The following ANK2 variants were observed in gnomAD, a reference collection of about 807,000 sequenced individuals.
ANK2 encodes the protein ankyrin-2.
ANK2 carries 83 observed loss-of-function variants against 360.5 expected under a neutral mutation model. The ratio of observed to expected loss-of-function variants is 0.23; its 90% CI spans 0.19 to 0.28. The LOEUF (loss-of-function observed/expected upper bound fraction) is 0.28. ANK2 is among the 10% of genes least tolerant of loss of function. ANK2 has a pLI of 1.00. For missense variants in ANK2, 4,201 were observed against 4,795.7 expected, an observed-to-expected ratio of 0.88 and a Z score of 3.66; for synonymous variants, 1,740 against 1,759.5, an observed-to-expected ratio of 0.99 and a Z score of 0.28.
At chr4:113,278,604 G>C (rs1214818676) in intron 17 of ANK2, 46 bp downstream of exon 17, 1 of 1,559,112 alleles carries the variant, frequency 6.4e-7, no homozygotes, top group Non-Finnish European at 8.8e-7. Context: ...TGTAACTATC[G>C]CCTGAAAACA....
intron 2 of ANK2, among the ~76,000 whole-genome samples, chr4:113,038,509 C>T (rs558429802): frequency 1.4e-4 from 21 of 152,004 alleles, no homozygotes; most frequent in African/African-American, 5.1e-4. Context: ...TCTCTCTGGC[C>T]TACTTTACTT....
intron 9 of ANK2, among the ~76,000 whole-genome samples, chr4:113,242,912 G>A (rs973037743): frequency 6.6e-6 from 1 of 152,068 alleles, no homozygotes; most frequent in Non-Finnish European, 1.5e-5. Flanking sequence ...TATTATATTG[G>A]CAGTTTACTT....
chr4:112,875,136 C>T (rs541894154), intron 1 of ANK2, among the ~76,000 whole-genome samples: 25 of 151,978 alleles, frequency 1.6e-4, no homozygotes, highest in African/African-American at 6.0e-4. Context: ...ATTGTTGTGC[C>T]TCAGCCTCCT....
At chr4:112,819,103 T>C (rs768074515) in intron 1 of ANK2, among the ~76,000 whole-genome samples, 1 of 152,238 alleles carries the variant, frequency 6.6e-6, no homozygotes, top group Admixed American at 6.5e-5. Context: ...GTGGCCTTTT[T>C]GGAGAGCAAA....
At chr4:113,319,633 G>C (rs2153837892) in intron 26 of ANK2, among the ~76,000 whole-genome samples, 1 of 151,920 alleles carries the variant, frequency 6.6e-6, no homozygotes, top group East Asian at 1.9e-4. Flanking sequence ...CTTATACTAA[G>C]TAAAGGTTCA....
the ANK2 span, among the ~76,000 whole-genome samples, chr4:112,770,415 T>C: frequency 3.3e-5 from 5 of 152,286 alleles, no homozygotes; most frequent in Admixed American, 2.6e-4. Context: ...ATCAGATTTA[T>C]GTGCATTAGG....
At chr4:112,999,623 A>G (rs80242402) in intron 2 of ANK2, among the ~76,000 whole-genome samples, 1,908 of 151,872 alleles carry the variant, frequency 0.013, 41 homozygotes, top group African/African-American at 0.043. Flanking sequence ...ATACTAATCC[A>G]CTAACCCACC....
chr4:112,746,218 A>C, the ANK2 span, among the ~76,000 whole-genome samples: 1 of 152,182 alleles, frequency 6.6e-6, no homozygotes, highest in African/African-American at 2.4e-5. Context: ...ACAATTGAAA[A>C]ATTATATTAA....
chr4:113,154,782 A>C (rs1459634125), intron 1 of ANK2, among the ~76,000 whole-genome samples: 1 of 152,204 alleles, frequency 6.6e-6, no homozygotes, highest in African/African-American at 2.4e-5. Context: ...GTACCCACCA[A>C]TCAATTCTTT....
intron 11 of ANK2, among the ~76,000 whole-genome samples, chr4:113,257,689 A>G (rs1043152121): frequency 6.6e-6 from 1 of 152,214 alleles, no homozygotes; most frequent in Non-Finnish European, 1.5e-5. Context: ...TCTTCAGTTC[A>G]TCTTCAAGTA....
chr4:113,045,447 A>G (rs1579900144), upstream of ANK2, among the ~76,000 whole-genome samples: 1 of 152,200 alleles, frequency 6.6e-6, no homozygotes, highest in South Asian at 2.1e-4. Context: ...AAATCTGATG[A>G]ACTTAAGCTC....
intron 2 of ANK2, among the ~76,000 whole-genome samples, chr4:113,004,376 A>AC (rs1183980059): frequency 6.6e-6 from 1 of 152,084 alleles, no homozygotes; most frequent in African/African-American, 2.4e-5. Context: ...TCTATTTAAA[A>AC]ATTTTTTTTG....
At chr4:113,263,830 C>T (rs1315738778) in intron 13 of ANK2, among the ~76,000 whole-genome samples, 1 of 151,938 alleles carries the variant, frequency 6.6e-6, no homozygotes, top group Non-Finnish European at 1.5e-5. Flanking sequence ...TGAATGAAAC[C>T]CTGCCTTCTT....
chr4:112,830,846 C>T (rs115828955), intron 1 of ANK2, among the ~76,000 whole-genome samples: 1,909 of 152,252 alleles, frequency 0.013, 46 homozygotes, highest in African/African-American at 0.044. Flanking sequence ...GCATGGCACT[C>T]GCAGGCCAGC....
the ANK2 span, among the ~76,000 whole-genome samples, chr4:112,711,761 A>G: frequency 6.6e-6 from 1 of 152,096 alleles, no homozygotes; most frequent in African/African-American, 2.4e-5. Context: ...CGGAGGTTGC[A>G]GTGAGCCGAG....
intron 1 of ANK2, among the ~76,000 whole-genome samples, chr4:113,100,881 A>G (rs1425595758): frequency 6.6e-6 from 1 of 152,170 alleles, no homozygotes; most frequent in Non-Finnish European, 1.5e-5. Context: ...TGAAAAGGCT[A>G]CATACCATTT....
intron 33 of ANK2, 80 bp from the exon 34 acceptor site, chr4:113,342,937 A>G: frequency 5.1e-6 from 8 of 1,571,246 alleles, no homozygotes; most frequent in Middle Eastern, 1.8e-4. Flanking sequence ...TGAAGTTCCA[A>G]GTAGTACTAC....
intron 1 of ANK2, among the ~76,000 whole-genome samples, chr4:113,063,182 G>A (rs909265408): frequency 2.6e-5 from 4 of 151,986 alleles, no homozygotes; most frequent in African/African-American, 7.2e-5. Flanking sequence ...TTCTCTTTGG[G>A]TGTTGCTAAA....
At chr4:113,021,579 T>TGC (rs61619354) in intron 2 of ANK2, among the ~76,000 whole-genome samples, 5 of 137,254 alleles carry the variant, frequency 3.6e-5, no homozygotes, top group South Asian at 2.3e-4. Context: ...TATATATATA[T>TGC]GCCAAGGAGC....
Sources: allele counts gnomAD v4.1 joint callset (sites outside exome capture counted in the v4.1 genomes callset), GRCh38; gene constraint gnomAD v4.1.1; transcripts MANE v1.5; gene names NCBI Gene and HGNC (gene_info 2026-07-23, HGNC 2026-07-21).